The following GAK variants were observed in gnomAD, a reference collection of about 807,000 sequenced individuals.
The protein encoded by GAK is cyclin G associated kinase.
In GAK, 79 loss-of-function variants were observed where a neutral mutation model predicts 143.9. The observed-to-expected ratio is 0.55, with a 90% CI of 0.46 to 0.66. GAK has a LOEUF of 0.66. GAK is among the 30% of genes least tolerant of loss of function. GAK has a pLI of 0.00. For synonymous variants in GAK, 881 were observed against 765.5 expected, an observed-to-expected ratio of 1.15 and a Z score of -2.49; for missense variants, 1,693 against 1,779.7, an observed-to-expected ratio of 0.95 and a Z score of 0.88.
chr4:877,270 CA>C, intron 16 of GAK, 63 bp from the exon 17 acceptor site: 15 of 1,105,196 alleles, frequency 1.4e-5, no homozygotes, highest in Non-Finnish European at 2.1e-5. Flanking sequence ...ACAAAAACAA[CA>C]AAAAACAGAA....
At chr4:922,142 C>T (rs748650618) in intron 1 of GAK, among the ~76,000 whole-genome samples, 14 of 152,246 alleles carry the variant, frequency 9.2e-5, no homozygotes, top group African/African-American at 1.4e-4. Context: ...TAAGTTCATA[C>T]GAGTGGGGCC....
intron 5 of GAK, among the ~76,000 whole-genome samples, chr4:902,152 C>T (rs757668942): frequency 8.0e-4 from 120 of 150,902 alleles, no homozygotes; most frequent in Non-Finnish European, 9.0e-4. Flanking sequence ...GTAGGAGAAT[C>T]GCTGGAACCC....
chr4:858,838 C>T (rs528744357), intron 24 of GAK, among the ~76,000 whole-genome samples: 3 of 152,276 alleles, frequency 2.0e-5, no homozygotes, highest in Admixed American at 2.0e-4. Context: ...GATGAGGAGA[C>T]GGGAAATGCT....
intron 24 of GAK, among the ~76,000 whole-genome samples, chr4:857,810 T>C (rs567756104): frequency 6.6e-6 from 1 of 152,096 alleles, no homozygotes; most frequent in Non-Finnish European, 1.5e-5. Context: ...TTCGCTCCCT[T>C]TTTTTCCCCC....
intron 4 of GAK, among the ~76,000 whole-genome samples, chr4:905,807 C>G (rs1720985848): frequency 6.6e-6 from 1 of 152,266 alleles, no homozygotes; most frequent in African/African-American, 2.4e-5. Context: ...GCCACAGTCC[C>G]AGTTAAGCCC....
Position 870,826 on chromosome 4 carries a change from G to C in GAK, c.2133C>G (p.Pro711=). 1 of 1,614,046 alleles carries C rather than the reference G, an allele frequency of 6.2e-7. No homozygotes were observed. The highest frequency in any genetic ancestry group is 1.7e-5 in the Admixed American group (1 of 60,022). The change falls in exon 19 of 28, where the codon CCC becomes CCG. Residue 711 remains proline (P), a synonymous_variant. Transcript: ENST00000314167. ...FQVNLEVEVE[P]RDRPSREAPP... ...GGGCTTCCCGGCTCGGCCTGTCCCTGGGCTCCACCTCCACTTCCAGGTTCA... is the reference window on the plus strand; with the variant it reads ...GGGCTTCCCGGCTCGGCCTGTCCCTCGGCTCCACCTCCACTTCCAGGTTCA...
At chr4:918,342 A>G (rs762605058) in intron 1 of GAK, among the ~76,000 whole-genome samples, 8 of 152,410 alleles carry the variant, frequency 5.2e-5, no homozygotes, top group Middle Eastern at 6.8e-3. Context: ...GTCTGCTCTC[A>G]GCACTGTAAG....
chr4:909,136 C>T (rs189809385), intron 4 of GAK, among the ~76,000 whole-genome samples: 95 of 152,378 alleles, frequency 6.2e-4, no homozygotes, highest in African/African-American at 1.5e-3. Context: ...CGTGAGCCAC[C>T]GTGCCTGGCC....
At chr4:887,247 C>T (rs1284123524) in intron 11 of GAK, 1 of 94,220 alleles carries the variant, frequency 1.1e-5, no homozygotes, top group Non-Finnish European at 2.3e-5. Context: ...CACGTGTACA[C>T]ATGCACGCGG....
At chr4:854,387 G>A (rs927749749) in intron 24 of GAK, among the ~76,000 whole-genome samples, 1 of 152,170 alleles carries the variant, frequency 6.6e-6, no homozygotes, top group Non-Finnish European at 1.5e-5. Context: ...CAGCTCAGAT[G>A]CTCAGAGCTC....
At chr4:876,044 C>T (rs541692083) in intron 18 of GAK, among the ~76,000 whole-genome samples, 23 of 151,700 alleles carry the variant, frequency 1.5e-4, no homozygotes, top group African/African-American at 4.8e-4. Flanking sequence ...GCAGGGTATG[C>T]GCTGTTGGGC....
chr4:925,299 G>A (rs1724536492), intron 1 of GAK, among the ~76,000 whole-genome samples: 1 of 152,120 alleles, frequency 6.6e-6, no homozygotes, highest in African/African-American at 2.4e-5. Flanking sequence ...CATGAGCAGA[G>A]CTGGGCAACC....
intron 18 of GAK, 62 bp downstream of exon 18, chr4:876,468 T>C (rs1713902651): frequency 2.1e-6 from 3 of 1,438,958 alleles, no homozygotes; most frequent in Middle Eastern, 1.8e-4. Flanking sequence ...CCGGCCCACA[T>C]GCAGGTGCTG....
At chr4:877,553 T>C (rs778063819) in intron 16 of GAK, 62 bp downstream of exon 16, 3 of 1,497,024 alleles carry the variant, frequency 2.0e-6, no homozygotes, top group Non-Finnish European at 2.7e-6. Flanking sequence ...GGGTTCCTCT[T>C]TAACGGTTTT....
intron 26 of GAK, 41 bp downstream of exon 26, chr4:850,895 G>C (rs771131121): frequency 6.3e-7 from 1 of 1,597,860 alleles, no homozygotes; most frequent in Non-Finnish European, 8.5e-7. Flanking sequence ...GCCATGGGTT[G>C]AGGCCTCTGG....
At chr4:899,467 C>T (rs1350002305) in intron 5 of GAK, among the ~76,000 whole-genome samples, 2 of 152,136 alleles carry the variant, frequency 1.3e-5, no homozygotes, top group South Asian at 2.1e-4. Flanking sequence ...ACACCAGCCA[C>T]GGACGGAAGG....
chr4:899,192 C>G (rs1049921340), intron 5 of GAK, among the ~76,000 whole-genome samples: 2 of 152,264 alleles, frequency 1.3e-5, no homozygotes, highest in Non-Finnish European at 2.9e-5. Flanking sequence ...AAGGAAGCCT[C>G]AGCCCCAACA....
intron 5 of GAK, among the ~76,000 whole-genome samples, chr4:900,071 C>T (rs965629867): frequency 3.9e-5 from 6 of 152,276 alleles, no homozygotes; most frequent in African/African-American, 9.6e-5. Context: ...GAGCACACAG[C>T]GGGGAGATGC....
At chr4:862,342 A>C (rs1249590577) in intron 23 of GAK, among the ~76,000 whole-genome samples, 21 of 152,050 alleles carry the variant, frequency 1.4e-4, no homozygotes, top group Admixed American at 1.4e-3. Context: ...CTCCATGCAG[A>C]TATAAGACGG....
Sources: allele counts gnomAD v4.1 joint callset (sites outside exome capture counted in the v4.1 genomes callset), GRCh38; gene constraint gnomAD v4.1.1; transcripts MANE v1.5; gene names NCBI Gene and HGNC (gene_info 2026-07-23, HGNC 2026-07-21).